C12orf75: variants seen among roughly 807,000 people sequenced by gnomAD.
C12orf75 encodes chromosome 12 open reading frame 75.
In C12orf75, 4 loss-of-function variants were observed where a neutral mutation model predicts 11.4. The observed-to-expected ratio is 0.35, with a 90% CI of 0.17 to 0.80. The LOEUF is 0.80. Among genes scored for constraint, C12orf75 ranks in the 30% least tolerant of loss-of-function variants. The pLI, the probability that C12orf75 is intolerant of heterozygous loss-of-function variation, is 0.52. For synonymous variants in C12orf75, 30 were observed against 30.0 expected, an observed-to-expected ratio of 1.00 and a Z score of 0.00; for missense variants, 89 against 80.4, an observed-to-expected ratio of 1.11 and a Z score of -0.41.
At chr12:105,343,011 CAACA>C (rs780148585) in intron 1 of C12orf75, among the ~76,000 whole-genome samples, 1 of 152,116 alleles carries the variant, frequency 6.6e-6, no homozygotes, top group Non-Finnish European at 1.5e-5. Flanking sequence ...TGTAAACAAC[CAACA>C]GTGATGGAAA....
intron 1 of C12orf75, among the ~76,000 whole-genome samples, chr12:105,336,746 T>A (rs1232537726): frequency 6.6e-6 from 1 of 152,046 alleles, no homozygotes; most frequent in African/African-American, 2.4e-5. Context: ...AATTAAACTG[T>A]TAGAGCCTGG....
At chr12:105,334,439 A>G (rs1245216770) in intron 1 of C12orf75, among the ~76,000 whole-genome samples, 2 of 152,228 alleles carry the variant, frequency 1.3e-5, no homozygotes, top group Non-Finnish European at 2.9e-5. Flanking sequence ...GTCCTCCTGG[A>G]GGAGTTGAGC....
In C12orf75 at chr12:105,355,533, C is replaced by A. The variant is rs191446001; in HGVS notation, c.71+6907C>A. 5.8e-3 allele frequency among the ~76,000 whole-genome samples: 878 copies of A among 152,190 alleles called. 3 individuals are homozygous for A. Among genetic ancestry groups the A allele is most frequent in the Non-Finnish European group, 0.01 (691 of 68,008 alleles). Reference sequence around the variant, plus strand: ...AGAAAGAAAAACTTTGGGTCAGGGTCAAAATCTTTGGTGCTCTGGGGACAG... The same window carrying A: ...AGAAAGAAAAACTTTGGGTCAGGGTAAAAATCTTTGGTGCTCTGGGGACAG... On this transcript the variant is annotated intron_variant, in intron 2 of 5. Transcript: ENST00000443585.
At chr12:105,348,673 G>A in intron 2 of C12orf75, 47 bp downstream of exon 2, 7 of 1,391,348 alleles carry the variant, frequency 5.0e-6, no homozygotes, top group Non-Finnish European at 6.9e-6. Context: ...TTCTGAGGAA[G>A]TTGCTGTTTT....
chr12:105,333,116 C>G (rs940657765), intron 1 of C12orf75, among the ~76,000 whole-genome samples: 1 of 151,910 alleles, frequency 6.6e-6, no homozygotes, highest in South Asian at 2.1e-4. Context: ...ACATGATGAG[C>G]AGGGAGTTAT....
chr12:105,352,703 T>C (rs1414108107), intron 2 of C12orf75, among the ~76,000 whole-genome samples: 1 of 152,040 alleles, frequency 6.6e-6, no homozygotes, highest in Non-Finnish European at 1.5e-5. Flanking sequence ...GAAAAGCTGA[T>C]GGTGGTTTGG....
intron 1 of C12orf75, among the ~76,000 whole-genome samples, chr12:105,337,740 A>G (rs1046560290): frequency 6.6e-6 from 1 of 152,234 alleles, no homozygotes; most frequent in Non-Finnish European, 1.5e-5. Flanking sequence ...CTAGTGCAGT[A>G]AGCAACTTAT....
chr12:105,339,392 A>ATTTTT lies in C12orf75; in HGVS notation c.46+8467_46+8471dup, dbSNP rs10638339. 1.4e-3 allele frequency among the ~76,000 whole-genome samples: 192 copies of ATTTTT among 136,506 alleles called. 3 individuals carry two copies. The highest frequency in any genetic ancestry group is 3.4e-3 in the East Asian group (16 of 4,672). The allele number at this position is 136,506 out of a possible 152,430, so 89.6% of individuals were successfully genotyped here. On this transcript the variant is annotated intron_variant, in intron 1 of 5. Transcript: ENST00000443585. ...GAAGAGTGCTTTTTAAATCTTCAGT[A>ATTTTT]TTTTTTTTTTTTTTTTACAAATTCT...
chr12:105,357,453 G>C (rs559977676), intron 2 of C12orf75, among the ~76,000 whole-genome samples: 1 of 152,262 alleles, frequency 6.6e-6, no homozygotes, highest in African/African-American at 2.4e-5. Flanking sequence ...TACTCTACAA[G>C]AGTGAGTCAT....
At chr12:105,334,857 A>G (rs1007750452) in intron 1 of C12orf75, among the ~76,000 whole-genome samples, 20 of 152,248 alleles carry the variant, frequency 1.3e-4, no homozygotes, top group African/African-American at 4.1e-4. Context: ...CATATAGACT[A>G]TGAAGCAAGT....
intron 1 of C12orf75, among the ~76,000 whole-genome samples, chr12:105,347,377 C>T (rs1026316314): frequency 6.6e-6 from 1 of 152,194 alleles, no homozygotes; most frequent in Non-Finnish European, 1.5e-5. Flanking sequence ...GAAGCCAGTC[C>T]GAGTCCCAGA....
At chr12:105,349,052 A>G (rs891109423) in intron 2 of C12orf75, among the ~76,000 whole-genome samples, 21 of 152,192 alleles carry the variant, frequency 1.4e-4, no homozygotes, top group African/African-American at 5.1e-4. Context: ...AAAGTTGATA[A>G]CTAGATATTC....
At chr12:105,336,273 C>CA (rs1487868338) in intron 1 of C12orf75, among the ~76,000 whole-genome samples, 2 of 152,228 alleles carry the variant, frequency 1.3e-5, no homozygotes, top group Non-Finnish European at 2.9e-5. Context: ...ACTGAGGCCA[C>CA]AGAGTTGAGA....
chr12:105,336,200 A>G (rs929129011), intron 1 of C12orf75, among the ~76,000 whole-genome samples: 3 of 152,238 alleles, frequency 2.0e-5, no homozygotes, highest in Non-Finnish European at 2.9e-5. Context: ...AGTCGTTCAC[A>G]TTGGTTGCAG....
At chr12:105,357,805 T>TGAGA (rs1361334053) in intron 2 of C12orf75, among the ~76,000 whole-genome samples, 1 of 142,700 alleles carries the variant, frequency 7.0e-6, no homozygotes, top group Non-Finnish European at 1.5e-5. Flanking sequence ...TGTGTGTGTG[T>TGAGA]GTGAGAGAGA....
At chr12:105,345,516 G>C (rs1892628078) in intron 1 of C12orf75, among the ~76,000 whole-genome samples, 2 of 151,622 alleles carry the variant, frequency 1.3e-5, no homozygotes, top group South Asian at 4.2e-4. Flanking sequence ...AGAAGTCAAA[G>C]TATTTTACCC....
At chr12:105,333,063 G>T (rs1328995926) in intron 1 of C12orf75, among the ~76,000 whole-genome samples, 1 of 152,154 alleles carries the variant, frequency 6.6e-6, no homozygotes, top group African/African-American at 2.4e-5. Context: ...TTGTTCAGAG[G>T]AGAGAAGGAT....
chr12:105,349,845 C>T (rs1487691758), intron 2 of C12orf75, among the ~76,000 whole-genome samples: 10 of 152,128 alleles, frequency 6.6e-5, no homozygotes, highest in East Asian at 1.9e-4. Flanking sequence ...CCACTGCACT[C>T]CAGCCTGGGT....
chr12:105,354,846 A>T (rs1892754876), intron 2 of C12orf75, among the ~76,000 whole-genome samples: 3 of 152,182 alleles, frequency 2.0e-5, no homozygotes, highest in Non-Finnish European at 2.9e-5. Flanking sequence ...ACTGCAAGAC[A>T]TGTGCTAGGG....
Sources: allele counts gnomAD v4.1 joint callset (sites outside exome capture counted in the v4.1 genomes callset), GRCh38; gene constraint gnomAD v4.1.1; transcripts MANE v1.5; gene names NCBI Gene and HGNC (gene_info 2026-07-23, HGNC 2026-07-21).